The following KCNH1 variants were observed in gnomAD, a reference collection of about 807,000 sequenced individuals.
The protein encoded by KCNH1 is voltage-gated delayed rectifier potassium channel KCNH1.
Under a neutral mutation model 69.2 loss-of-function variants are expected in KCNH1, and 27 were observed. The ratio of observed to expected loss-of-function variants is 0.39; its 90% CI spans 0.29 to 0.54. The LOEUF is 0.54. KCNH1 is among the 20% of genes least tolerant of loss of function. The probability of loss-of-function intolerance (pLI) is 0.68; values close to 1 mark genes in which losing one functional copy is unlikely to be tolerated. For missense variants in KCNH1, 798 were observed against 1,261.6 expected (o/e 0.63, Z 5.57); for synonymous variants, 456 against 487.7 (o/e 0.93, Z 0.86).
chr1:210,919,636 T>C lies in KCNH1; in HGVS notation c.1462+4A>G. 6.2e-7 allele frequency: 1 copy of C among 1,610,690 alleles called. No individual in the cohort carries two copies. The highest frequency in any genetic ancestry group is 1.7e-4 in the Middle Eastern group (1 of 6,034). On this transcript the variant is annotated splice_donor_region_variant and intron_variant, in intron 7 of 10. Transcript: ENST00000271751. The surrounding 1 kb of genome is among the most constrained non-coding windows in gnomAD (Gnocchi z 4.2). ...CAACCCCACCCCAGCACTGTCATAC[T>C]TACAGCCAATCATCATGATGGCCAC...
chr1:210,718,649 TATACACACACACACACAC>T (rs1682366632), intron 10 of KCNH1, among the ~76,000 whole-genome samples: 7 of 72,334 alleles, frequency 9.7e-5, no homozygotes, highest in African/African-American at 4.5e-4. Context: ...TACATATATA[TATACACACACACACACAC>T]ACACACACAC....
At chr1:210,779,171 A>C (rs1342977664) in intron 9 of KCNH1, among the ~76,000 whole-genome samples, 1 of 152,246 alleles carries the variant, frequency 6.6e-6, no homozygotes, top group African/African-American at 2.4e-5. Context: ...ACAGTAAGAT[A>C]ATCATGATTA....
At chr1:210,909,823 G>C (rs1289638265) in intron 7 of KCNH1, among the ~76,000 whole-genome samples, 1 of 152,182 alleles carries the variant, frequency 6.6e-6, no homozygotes, top group African/African-American at 2.4e-5. Context: ...GGAGAAGGGG[G>C]CAGTTTTTGA....
Position 211,121,138 on chromosome 1 carries a change from C to A in KCNH1, c.79+12729G>T, listed in dbSNP as rs549456006. 3.3e-5 allele frequency among the ~76,000 whole-genome samples: 5 copies of A among 152,284 alleles called. No homozygotes were observed. In the South Asian group the frequency reaches 1.0e-3, roughly 32 times the overall value. On this transcript the variant is annotated intron_variant, in intron 1 of 10. Coordinates refer to ENST00000271751, the MANE Select transcript of KCNH1 (RefSeq NM_172362.3). ...TTTATAGATTCAATGCTATTCTCAT[C>A]AAACTACCATTGACATTATTCACAG...
At chr1:210,708,498 C>T (rs888799523) in intron 10 of KCNH1, among the ~76,000 whole-genome samples, 19 of 151,892 alleles carry the variant, frequency 1.3e-4, no homozygotes, top group African/African-American at 4.6e-4. Flanking sequence ...ACATAGAGTC[C>T]GTAAACAGAT....
intron 7 of KCNH1, among the ~76,000 whole-genome samples, chr1:210,911,867 T>G (rs940824117): frequency 6.6e-6 from 1 of 152,104 alleles, no homozygotes; most frequent in Non-Finnish European, 1.5e-5. Context: ...TAGGGATATC[T>G]TCCACCCCTC....
At chr1:211,038,626 G>A (rs1689940014) in intron 5 of KCNH1, among the ~76,000 whole-genome samples, 2 of 152,178 alleles carry the variant, frequency 1.3e-5, no homozygotes, top group South Asian at 4.1e-4. Flanking sequence ...GACTGAGGTG[G>A]TCTCAGGTGG....
intron 5 of KCNH1, among the ~76,000 whole-genome samples, chr1:211,034,673 G>A (rs1056221346): frequency 6.6e-6 from 1 of 152,140 alleles, no homozygotes; most frequent in East Asian, 1.9e-4. Flanking sequence ...AAAATCAACT[G>A]AATGTAGATG....
chr1:210,982,840 A>G (rs940127247), intron 6 of KCNH1, among the ~76,000 whole-genome samples: 5 of 152,190 alleles, frequency 3.3e-5, no homozygotes, highest in African/African-American at 1.2e-4. Context: ...CTCAGGAATC[A>G]CCACACTGAC....
chr1:210,877,881 CTTCT>C lies in KCNH1; in HGVS notation c.1462+41755_1462+41758del, dbSNP rs140797802. 3.9e-3 allele frequency among the ~76,000 whole-genome samples: 591 copies of C among 152,210 alleles called. 6 individuals are homozygous for C. Among genetic ancestry groups the C allele is most frequent in the African/African-American group, 0.014 (564 of 41,530 alleles). On this transcript the variant is annotated intron_variant, in intron 7 of 10. Transcript: ENST00000271751. Reference sequence around the variant, plus strand: ...AATGAATAAATTAATGATCTCTTTCCTTCTGTCATTAACAGTGTAAGTCAAACAT... The same window carrying C: ...AATGAATAAATTAATGATCTCTTTCCGTCATTAACAGTGTAAGTCAAACAT...
chr1:210,907,855 C>G (rs1453601331), intron 7 of KCNH1, among the ~76,000 whole-genome samples: 1 of 152,160 alleles, frequency 6.6e-6, no homozygotes, highest in Non-Finnish European at 1.5e-5. Context: ...CCCAGAGTTG[C>G]CAAGAGACAT....
At chr1:210,894,830 C>G (rs79150064) in intron 7 of KCNH1, among the ~76,000 whole-genome samples, 1 of 152,180 alleles carries the variant, frequency 6.6e-6, no homozygotes, top group African/African-American at 2.4e-5. Context: ...TCTGGAGGAA[C>G]CATGAGCTAA....
chr1:210,763,377 A>C (rs1202929784), intron 10 of KCNH1, among the ~76,000 whole-genome samples: 2 of 152,192 alleles, frequency 1.3e-5, no homozygotes, highest in Non-Finnish European at 2.9e-5. Flanking sequence ...TAATCAGAGT[A>C]ATCAGACAAG....
intron 7 of KCNH1, among the ~76,000 whole-genome samples, chr1:210,814,886 A>C (rs1171468868): frequency 1.3e-5 from 2 of 152,168 alleles, no homozygotes; most frequent in Admixed American, 1.3e-4. Flanking sequence ...CTTAAATAGA[A>C]GAGTTTCTGG....
At chr1:210,703,069 T>C (rs954135959) in intron 10 of KCNH1, among the ~76,000 whole-genome samples, 2 of 152,100 alleles carry the variant, frequency 1.3e-5, no homozygotes, top group African/African-American at 4.8e-5. Context: ...AATTAATTTT[T>C]AAAATATATA....
intron 7 of KCNH1, among the ~76,000 whole-genome samples, chr1:210,826,753 C>T (rs1327410658): frequency 6.6e-6 from 1 of 152,220 alleles, no homozygotes; most frequent in Non-Finnish European, 1.5e-5. Context: ...AAATGACTTA[C>T]ACTCTGAAAG....
chr1:211,055,869 G>A (rs1690294696), intron 5 of KCNH1, among the ~76,000 whole-genome samples: 1 of 152,178 alleles, frequency 6.6e-6, no homozygotes, highest in Non-Finnish European at 1.5e-5. Context: ...GCTTCACTAT[G>A]TGCTGACTAC....
intron 7 of KCNH1, among the ~76,000 whole-genome samples, chr1:210,806,836 A>AAAAATATATATATATATATATATAT (rs1553346591): frequency 3.5e-5 from 3 of 85,636 alleles, no homozygotes; most frequent in Non-Finnish European, 4.3e-5. Context: ...AAAAAAAAAA[A>AAAAATATATATATATATATATATAT]ATATATATAT....
chr1:210,714,824 A>AGAAAT (rs1298998629), intron 10 of KCNH1, among the ~76,000 whole-genome samples: 1 of 152,220 alleles, frequency 6.6e-6, no homozygotes, highest in Non-Finnish European at 1.5e-5. Context: ...CAAGAAAGAA[A>AGAAAT]GAAATGAATC....
Sources: allele counts gnomAD v4.1 joint callset (sites outside exome capture counted in the v4.1 genomes callset), GRCh38; gene constraint gnomAD v4.1.1; non-coding constraint Gnocchi (gnomAD v3.1); transcripts MANE v1.5; gene names NCBI Gene and HGNC (gene_info 2026-07-23, HGNC 2026-07-21).